MTMR6: variants seen among roughly 807,000 people sequenced by gnomAD.
The protein encoded by MTMR6 is phosphatidylinositol-3,5-bisphosphate 3-phosphatase MTMR6.
Under a neutral mutation model 80.1 loss-of-function variants are expected in MTMR6, and 47 were observed. The ratio of observed to expected loss-of-function variants is 0.59; its 90% CI spans 0.46 to 0.75. The LOEUF (loss-of-function observed/expected upper bound fraction) is 0.75, where lower values mean the gene tolerates loss of function less well. MTMR6 is among the 30% of genes least tolerant of loss of function. The probability of loss-of-function intolerance (pLI) is 0.00; values close to 1 mark genes in which losing one functional copy is unlikely to be tolerated. For synonymous variants in MTMR6, 254 were observed against 253.0 expected, an observed-to-expected ratio of 1.00 and a Z score of -0.04; for missense variants, 629 against 730.9, an observed-to-expected ratio of 0.86 and a Z score of 1.61.
At chr13:25,266,690 T>C (rs12427761) in intron 3 of MTMR6, among the ~76,000 whole-genome samples, 11,136 of 152,284 alleles carry the variant, frequency 0.073, 482 homozygotes, top group Admixed American at 0.1. Flanking sequence ...AACTGCATTA[T>C]ACATCCCTAT....
At chr13:25,250,196 T>G (rs1957055065) in intron 13 of MTMR6, among the ~76,000 whole-genome samples, 1 of 152,152 alleles carries the variant, frequency 6.6e-6, no homozygotes, top group Non-Finnish European at 1.5e-5. Context: ...CTGTCTAGGA[T>G]TTAAAAAATA....
chr13:25,258,828 T>C (rs950575606), intron 6 of MTMR6, 136 bp from the exon 7 acceptor site: 2 of 638,574 alleles, frequency 3.1e-6, no homozygotes, highest in African/African-American at 3.8e-5. Flanking sequence ...TAAGCTACCA[T>C]TCATCTTTTA....
intron 2 of MTMR6, among the ~76,000 whole-genome samples, chr13:25,272,416 T>C (rs966603819): frequency 2.6e-5 from 4 of 152,194 alleles, no homozygotes; most frequent in African/African-American, 4.8e-5. Context: ...CATTATAACC[T>C]AGAACTCTTT....
intron 1 of MTMR6, among the ~76,000 whole-genome samples, chr13:25,285,731 G>A (rs1957943279): frequency 6.6e-6 from 1 of 151,972 alleles, no homozygotes; most frequent in African/African-American, 2.4e-5. Context: ...ATGGGGTTTT[G>A]CCAGGTTGTC....
chr13:25,278,646 G>GA (rs1250414601), intron 1 of MTMR6, among the ~76,000 whole-genome samples: 1 of 148,376 alleles, frequency 6.7e-6, no homozygotes, highest in Non-Finnish European at 1.5e-5. Context: ...CCAGGAGGTG[G>GA]AGGTTGCAGT....
Position 25,253,750 on chromosome 13 carries a change from T to G in MTMR6, c.1346+14A>C. 1 of 1,609,830 alleles carries G rather than the reference T, an allele frequency of 6.2e-7. No homozygotes were observed. Among genetic ancestry groups the G allele is most frequent in the Non-Finnish European group, 8.5e-7 (1 of 1,176,918 alleles). On this transcript the variant is annotated intron_variant, in intron 11 of 13. Transcript: ENST00000381801. ...TAGGGGGAAAAGGAGACTCTTTTAATTGAATCATCTTACTTGAGCTCTTCT... is the reference window on the plus strand; with the variant it reads ...TAGGGGGAAAAGGAGACTCTTTTAAGTGAATCATCTTACTTGAGCTCTTCT...
intron 6 of MTMR6, among the ~76,000 whole-genome samples, chr13:25,260,294 G>A (rs185705380): frequency 7.9e-5 from 12 of 151,236 alleles, no homozygotes; most frequent in East Asian, 3.9e-4. Flanking sequence ...TCAGCCTCCC[G>A]AGTAGCTGGG....
chr13:25,271,157 G>A (rs1201348757), intron 2 of MTMR6, among the ~76,000 whole-genome samples: 1 of 151,886 alleles, frequency 6.6e-6, no homozygotes, highest in Non-Finnish European at 1.5e-5. Context: ...AAAATACTAG[G>A]ATCTACATTC....
intron 5 of MTMR6, 148 bp from the exon 6 acceptor site, chr13:25,261,950 A>G (rs1957351020): frequency 1.4e-6 from 1 of 714,822 alleles, no homozygotes; most frequent in Non-Finnish European, 2.2e-6. Context: ...ATTAAATACT[A>G]TTTCAATATT....
intron 13 of MTMR6, among the ~76,000 whole-genome samples, chr13:25,250,800 A>G (rs1451855221): frequency 6.6e-6 from 1 of 152,220 alleles, no homozygotes; most frequent in Non-Finnish European, 1.5e-5. Context: ...TTAAAACATC[A>G]GTTTCTTAAG....
chr13:25,285,629 G>T lies in MTMR6; in HGVS notation c.24+1595C>A, dbSNP rs200973813. Among the ~76,000 whole-genome samples, 7 of 151,626 alleles carry T rather than the reference G, an allele frequency of 4.6e-5. No individual in the cohort carries two copies. The East Asian group carries it at 1.4e-3, about 30-fold the overall frequency. ...GGCTCACTGCAATCTCCACTTCCCC[G>T]GTTGAAGCAATTCTCCTGCCTCAGC... On this transcript the variant is annotated intron_variant, in intron 1 of 13. Coordinates refer to ENST00000381801, the MANE Select transcript of MTMR6 (RefSeq NM_004685.5).
intron 2 of MTMR6, among the ~76,000 whole-genome samples, chr13:25,271,770 T>C (rs1957582309): frequency 6.6e-6 from 1 of 152,258 alleles, no homozygotes; most frequent in African/African-American, 2.4e-5. Context: ...TTATTGGCTA[T>C]TGTTTCCAAA....
Position 25,257,259 on chromosome 13 carries a change from G to C in MTMR6, c.1032C>G (p.Ser344=). The C allele has an allele frequency of 6.2e-7, 1 of 1,613,870 alleles. No individual in the cohort carries two copies. Among genetic ancestry groups the C allele is most frequent in the Non-Finnish European group, 8.5e-7 (1 of 1,179,872 alleles). The change falls in exon 9 of 14, where the codon TCC becomes TCG. Residue 344 remains serine, a synonymous_variant. Transcript: ENST00000381801. ...AAAGAGAACCCAGGGAACAAACCTGGGAAGTCCTATCCCAACCATCGGAAC... is the reference window on the plus strand; with the variant it reads ...AAAGAGAACCCAGGGAACAAACCTGCGAAGTCCTATCCCAACCATCGGAAC... The part of the protein sequence containing the change: ...VHCSDGWDRT[S]QVCSLGSLLL...
intron 1 of MTMR6, among the ~76,000 whole-genome samples, chr13:25,282,363 T>C (rs1957869123): frequency 6.6e-6 from 1 of 152,148 alleles, no homozygotes; most frequent in East Asian, 1.9e-4. Flanking sequence ...TAACATACAA[T>C]ACATTGAACT....
rs531060554 is a variant in MTMR6 at position 25,255,388 on chromosome 13, C to A, written c.1096-954G>T. Among the ~76,000 whole-genome samples the A allele has an allele frequency of 2.0e-5, 3 of 152,336 alleles. No homozygotes were observed. In the South Asian group the frequency reaches 6.2e-4, roughly 32 times the overall value. On this transcript the variant is annotated intron_variant, in intron 9 of 13. Transcript: ENST00000381801. ...CAATATCTTTCTCACTAAATGTATT[C>A]TTTGGCTTATCTCAGTGAAGAGCCA...
At chr13:25,280,333 A>G (rs886228342) in intron 1 of MTMR6, among the ~76,000 whole-genome samples, 1 of 152,246 alleles carries the variant, frequency 6.6e-6, no homozygotes, top group Non-Finnish European at 1.5e-5. Context: ...TGTGACAGAT[A>G]GTGAAATTAA....
intron 9 of MTMR6, 56 bp from the exon 10 acceptor site, chr13:25,254,490 G>A (rs1186398383): frequency 8.7e-7 from 1 of 1,150,294 alleles, no homozygotes; most frequent in Non-Finnish European, 1.3e-6. Context: ...TTTTGTTTAG[G>A]CTGGATTAAA....
chr13:25,255,769 G>T (rs1211396222), intron 9 of MTMR6, among the ~76,000 whole-genome samples: 6 of 152,040 alleles, frequency 3.9e-5, no homozygotes, highest in African/African-American at 1.2e-4. Flanking sequence ...TGATCCACCC[G>T]CCTTGGCCTC....
In MTMR6 at chr13:25,249,011, C is replaced by T. The variant is rs551547828; in HGVS notation, c.*221G>A. ...GTGTTTTGAGTAAATACATCAAATA[C>T]CACTCATTTCTTACAGAACTGAATG... On this transcript the variant is annotated 3_prime_UTR_variant, in exon 14 of 14. Coordinates refer to ENST00000381801, the MANE Select transcript of MTMR6 (RefSeq NM_004685.5). The T allele has an allele frequency of 4.9e-5, 26 of 535,516 alleles. No homozygotes were observed. In the South Asian group the frequency reaches 6.8e-4, roughly 14 times the overall value. 33.2% of individuals were successfully genotyped at this position (535,516 alleles called of 1,614,324 possible).
Sources: allele counts gnomAD v4.1 joint callset (sites outside exome capture counted in the v4.1 genomes callset), GRCh38; gene constraint gnomAD v4.1.1; transcripts MANE v1.5; gene names NCBI Gene and HGNC (gene_info 2026-07-23, HGNC 2026-07-21).